The following PDZRN4 variants were observed in gnomAD, a reference collection of about 807,000 sequenced individuals.
The protein encoded by PDZRN4 is PDZ domain-containing RING finger protein 4.
A neutral mutation model predicts 99.0 loss-of-function variants in PDZRN4; 70 were observed. That is an observed-to-expected ratio of 0.71 (90% CI 0.58 to 0.86). PDZRN4 has a LOEUF of 0.86. Ranked by LOEUF, PDZRN4 falls within the 40% of genes least tolerant of loss-of-function variation. The probability of loss-of-function intolerance (pLI) is 0.00; values close to 1 mark genes in which losing one functional copy is unlikely to be tolerated. For synonymous variants in PDZRN4, 551 were observed against 501.6 expected (o/e 1.10, Z -1.32); for missense variants, 1,474 against 1,331.2 (o/e 1.11, Z -1.67).
At chr12:41,408,645 A>G (rs1278051187) in intron 3 of PDZRN4, among the ~76,000 whole-genome samples, 1 of 152,208 alleles carries the variant, frequency 6.6e-6, no homozygotes, top group Non-Finnish European at 1.5e-5. Context: ...TCGGAATTTT[A>G]TATATTTTTC....
chr12:41,314,633 C>A (rs975539412), intron 3 of PDZRN4, among the ~76,000 whole-genome samples: 1 of 152,116 alleles, frequency 6.6e-6, no homozygotes, highest in Non-Finnish European at 1.5e-5. Flanking sequence ...ATGTAGACAT[C>A]AAAAAGAATG....
chr12:41,189,159 C>G (rs1000500590), intron 1 of PDZRN4, 56 bp downstream of exon 1: 9 of 1,504,714 alleles, frequency 6.0e-6, no homozygotes, highest in Admixed American at 3.9e-5. Flanking sequence ...GGAAAAGGAG[C>G]GGTTCTTTCT....
At chr12:41,222,287 T>C (rs903571064) in intron 3 of PDZRN4, among the ~76,000 whole-genome samples, 3 of 152,170 alleles carry the variant, frequency 2.0e-5, no homozygotes, top group African/African-American at 7.2e-5. Context: ...TAAAAAAATG[T>C]TTGTGCACAT....
In PDZRN4 at chr12:41,219,948, C is replaced by T. The variant is rs73119048; in HGVS notation, c.843+25760C>T. 9.4e-3 allele frequency among the ~76,000 whole-genome samples: 1,434 copies of T among 152,092 alleles called. 25 individuals are homozygous for T. Among genetic ancestry groups the T allele is most frequent in the African/African-American group, 0.032 (1,338 of 41,488 alleles). Reference sequence around the variant, plus strand: ...ACCTCAAGATGTCTGACTCTGCTCACGGGGAGGGTAAATCCATGGGAGTGC... The same window carrying T: ...ACCTCAAGATGTCTGACTCTGCTCATGGGGAGGGTAAATCCATGGGAGTGC... On this transcript the variant is annotated intron_variant, in intron 3 of 9. Coordinates refer to ENST00000402685, the MANE Select transcript of PDZRN4 (RefSeq NM_001164595.2).
chr12:41,509,870 G>T lies in PDZRN4; in HGVS notation c.1160G>T (p.Ser387Ile), dbSNP rs201184717. Residue 387 changes from serine (S) to isoleucine (I), a missense_variant, in exon 5 of 10, where the codon AGC becomes ATC. Transcript: ENST00000402685. ...TATGAGGACAATGAGTATATTTCCA[G>T]CTTGCCTGCTGATGCAGACAGAACA... Reference protein sequence around the residue: ...EFYEDNEYISSLPADADRTED... With the variant: ...EFYEDNEYISILPADADRTED... 1.2e-5 allele frequency: 20 copies of T among 1,603,148 alleles called. No homozygotes were observed. The highest frequency in any genetic ancestry group is 2.2e-5 in the East Asian group (1 of 44,556).
At chr12:41,426,260 T>C (rs1188946035) in intron 3 of PDZRN4, among the ~76,000 whole-genome samples, 1 of 151,984 alleles carries the variant, frequency 6.6e-6, no homozygotes, top group Non-Finnish European at 1.5e-5. Flanking sequence ...AGTAGATAGG[T>C]TCGGTGGGGG....
chr12:41,483,043 G>A (rs1394862751), intron 3 of PDZRN4, among the ~76,000 whole-genome samples: 1 of 151,616 alleles, frequency 6.6e-6, no homozygotes, highest in Non-Finnish European at 1.5e-5. Context: ...ATTACATGTG[G>A]CATTTGAGAA....
intron 4 of PDZRN4, 140 bp downstream of exon 4, chr12:41,506,852 T>A: frequency 1.2e-6 from 1 of 864,386 alleles, no homozygotes; most frequent in Non-Finnish European, 1.8e-6. Context: ...ATGTCTCCCC[T>A]GTTTTGATAT....
At chr12:41,202,300 C>G (rs938916704) in intron 3 of PDZRN4, among the ~76,000 whole-genome samples, 1 of 152,042 alleles carries the variant, frequency 6.6e-6, no homozygotes, top group Non-Finnish European at 1.5e-5. Flanking sequence ...GAGCTTGATG[C>G]TGGGAACTTT....
chr12:41,555,487 T>G (rs934615209), intron 6 of PDZRN4, among the ~76,000 whole-genome samples: 2 of 152,108 alleles, frequency 1.3e-5, no homozygotes, highest in African/African-American at 4.8e-5. Flanking sequence ...TCTGCTCTAG[T>G]CCTCACAATT....
intron 3 of PDZRN4, among the ~76,000 whole-genome samples, chr12:41,268,597 A>G (rs775394267): frequency 7.9e-5 from 12 of 152,224 alleles, no homozygotes; most frequent in Non-Finnish European, 1.8e-4. Context: ...CCTCAAAGAC[A>G]GTTGTCTGTT....
At chr12:41,237,485 T>C (rs1464631686) in intron 3 of PDZRN4, among the ~76,000 whole-genome samples, 1 of 152,188 alleles carries the variant, frequency 6.6e-6, no homozygotes, top group Admixed American at 6.5e-5. Context: ...TGCTTTGTAA[T>C]GTATGGTAAA....
chr12:41,504,384 C>G (rs4635145), intron 3 of PDZRN4, among the ~76,000 whole-genome samples: 12,543 of 152,136 alleles, frequency 0.082, 1,240 homozygotes, highest in East Asian at 0.32. Flanking sequence ...TCACTAAACT[C>G]AGGGTACATC....
At chr12:41,234,221 C>A (rs1415889360) in intron 3 of PDZRN4, among the ~76,000 whole-genome samples, 2 of 152,042 alleles carry the variant, frequency 1.3e-5, no homozygotes, top group Non-Finnish European at 2.9e-5. Context: ...AGTATTGAAA[C>A]CTGTAATTTT....
intron 3 of PDZRN4, among the ~76,000 whole-genome samples, chr12:41,205,637 C>A (rs1950844199): frequency 6.6e-6 from 1 of 151,940 alleles, no homozygotes; most frequent in Admixed American, 6.6e-5. Flanking sequence ...CCATTGCAGA[C>A]AAGCCTCCTC....
intron 3 of PDZRN4, among the ~76,000 whole-genome samples, chr12:41,455,273 G>A (rs577886951): frequency 1.3e-5 from 2 of 152,254 alleles, no homozygotes; most frequent in South Asian, 4.1e-4. Context: ...CTACAAAGAG[G>A]AGGCTTAGAA....
chr12:41,571,150 T>G (rs1431945951), intron 9 of PDZRN4, among the ~76,000 whole-genome samples: 1 of 152,104 alleles, frequency 6.6e-6, no homozygotes, highest in Non-Finnish European at 1.5e-5. Flanking sequence ...TCTATCTATA[T>G]ATATATATAG....
intron 3 of PDZRN4, among the ~76,000 whole-genome samples, chr12:41,395,160 G>T (rs570209061): frequency 3.9e-4 from 60 of 152,194 alleles, no homozygotes; most frequent in Admixed American, 3.4e-3. Context: ...ATCAAGTCTA[G>T]GTGTGGATGA....
chr12:41,359,819 T>C (rs961624152), intron 3 of PDZRN4, among the ~76,000 whole-genome samples: 5 of 151,992 alleles, frequency 3.3e-5, no homozygotes, highest in Admixed American at 3.3e-4. Flanking sequence ...GACTTATACA[T>C]GTACAAAGCA....
Sources: gnomAD v4.1 joint callset for allele counts (sites outside exome capture counted in the v4.1 genomes callset) on GRCh38, gnomAD v4.1.1 for gene constraint, MANE v1.5 for transcripts, NCBI Gene and HGNC (gene_info 2026-07-23, HGNC 2026-07-21) for gene names.